RBSN: variants seen among roughly 807,000 people sequenced by gnomAD.
RBSN encodes the protein rabenosyn-5.
Under a neutral mutation model 60.5 loss-of-function variants are expected in RBSN, and 34 were observed. That is an observed-to-expected ratio of 0.56 (90% CI 0.43 to 0.75). The LOEUF (loss-of-function observed/expected upper bound fraction) is 0.75. Among genes scored for constraint, RBSN ranks in the 30% least tolerant of loss-of-function variants. The probability of loss-of-function intolerance (pLI) is 0.00; values close to 1 mark genes in which losing one functional copy is unlikely to be tolerated. For synonymous variants in RBSN, 322 were observed against 366.9 expected (o/e 0.88, Z 1.40); for missense variants, 845 against 986.8 (o/e 0.86, Z 1.92).
Position 15,078,143 on chromosome 3 carries a change from G to C in RBSN, c.930C>G (p.Tyr310Ter). 1 of 1,614,176 alleles carries C rather than the reference G, an allele frequency of 6.2e-7. No individual in the cohort carries two copies. The highest frequency in any genetic ancestry group is 8.5e-7 in the Non-Finnish European group (1 of 1,180,022). Residue 310 changes from tyrosine to a stop codon, truncating the protein, a stop_gained, in exon 11 of 14, where the codon TAC becomes TAG. Coordinates refer to ENST00000253699, the MANE Select transcript of RBSN (RefSeq NM_022340.4). LOFTEE classifies it high-confidence loss of function. ...GAAGGTCACTGGCATGTTCCAGACT[G>C]TAGGTTGTCTCCCCAGCACTAAGGA... ...AASLNAGETT[Y>*]SLEHASDLRV...
At chr3:15,098,522 G>A (rs566463712) in intron 1 of RBSN, among the ~76,000 whole-genome samples, 22 of 132,770 alleles carry the variant, frequency 1.7e-4, no homozygotes, top group South Asian at 1.6e-3. Flanking sequence ...CAGCATGAAT[G>A]TCACCCCGCC....
chr3:15,077,286 G>GGCCGGGCGCGGTGGCTCACGCCTGT lies in RBSN; in HGVS notation c.999-123_999-122insACAGGCGTGAGCCACCGCGCCCGGC. 4.9e-6 allele frequency: 4 copies of GGCCGGGCGCGGTGGCTCACGCCTGT among 810,848 alleles called. No homozygotes were observed. The highest frequency in any genetic ancestry group is 8.2e-6 in the Non-Finnish European group (4 of 488,252). The allele number at this position is 810,848 out of a possible 1,614,324, so 50.2% of individuals were successfully genotyped here. On this transcript the variant is annotated intron_variant, in intron 11 of 13. Coordinates refer to ENST00000253699, the MANE Select transcript of RBSN (RefSeq NM_022340.4). The surrounding 1 kb of genome is among the most constrained non-coding windows in gnomAD (Gnocchi z 4.4). ...GGAAGGTGTGTAAAGATGGACAAGTGACTCCATTGAAGTTTCTTTGAAGGC... is the reference window on the plus strand; with the variant it reads ...GGAAGGTGTGTAAAGATGGACAAGTGGCCGGGCGCGGTGGCTCACGCCTGTACTCCATTGAAGTTTCTTTGAAGGC...
chr3:15,071,787 C>A lies in RBSN; in HGVS notation c.*1995G>T, dbSNP rs1434798275. On this transcript the variant is annotated 3_prime_UTR_variant, in exon 14 of 14. Transcript: ENST00000253699. ...ATGTAACAAAATGAATTTCAGCTTT[C>A]ACACCAGTAACCAGTGAAAGTATGG... 1 of 152,644 alleles carries A rather than the reference C, an allele frequency of 6.6e-6. No homozygotes were observed. The highest frequency in any genetic ancestry group is 1.9e-4 in the East Asian group (1 of 5,200). The allele number at this position is 152,644 out of a possible 1,614,324, so 9.5% of individuals were successfully genotyped here.
At chr3:15,098,356 C>T (rs2043724670) in intron 1 of RBSN, 82 bp from the exon 2 acceptor site, 3 of 105,832 alleles carry the variant, frequency 2.8e-5, no homozygotes, top group Admixed American at 1.1e-4. Context: ...TATAACTAAG[C>T]ATACACCATA....
chr3:15,090,355 A>C, intron 5 of RBSN, 44 bp downstream of exon 5: 1 of 1,604,760 alleles, frequency 6.2e-7, no homozygotes, highest in Non-Finnish European at 8.5e-7. Context: ...AACATAGCAG[A>C]TGCTCAATAA....
chr3:15,090,581 C>T (rs754062293), intron 4 of RBSN, 42 bp from the exon 5 acceptor site: 8 of 1,603,676 alleles, frequency 5.0e-6, no homozygotes, highest in Admixed American at 1.7e-5. Context: ...CCATGAAGAA[C>T]ACCCAGTAAA....
In RBSN at chr3:15,082,503, C is replaced by T. The variant is rs778074496; in HGVS notation, c.704G>A (p.Ser235Asn). Residue 235 changes from serine (S) to asparagine (N), a missense_variant, in exon 9 of 14, where the codon AGC becomes AAC. Ser to Asn is a conservative substitution (Grantham distance 46). Coordinates refer to ENST00000253699, the MANE Select transcript of RBSN (RefSeq NM_022340.4). The surrounding 1 kb of genome is among the most constrained non-coding windows in gnomAD (Gnocchi z 4.2). Reference protein sequence around the residue: ...GSRRGSISSMSSVSSVLDEKD... With the variant: ...GSRRGSISSMNSVSSVLDEKD... ...CTCATCCAGGACCGAGCTGACACTG[C>T]TCATGCTGCTGATGCTGCCTCGGCG... is the stretch of plus-strand genomic sequence containing the variant. 5 of 1,614,194 alleles carry T rather than the reference C, an allele frequency of 3.1e-6. No individual in the cohort carries two copies. In the Admixed American group the frequency reaches 8.3e-5, roughly 27 times the overall value.
chr3:15,095,732 G>C (rs1249349483), intron 4 of RBSN: 2 of 568,320 alleles, frequency 3.5e-6, no homozygotes, highest in Non-Finnish European at 6.1e-6. Flanking sequence ...CTTCAGACAA[G>C]TTATCTAATC....
chr3:15,091,255 T>C, intron 4 of RBSN: 2 of 457,070 alleles, frequency 4.4e-6, no homozygotes, highest in Non-Finnish European at 5.6e-6. Flanking sequence ...TATACCTCAG[T>C]TAAAATAATG....
Position 15,074,935 on chromosome 3 carries a change from G to T in RBSN, c.1207-5C>A, listed in dbSNP as rs765783293. The stretch of plus-strand genomic sequence containing the variant: ...TCGCTGGGACTCCAGGGCAGCCTGG[G>T]GAGAGAGCAAAGCAGAGAGAAGAAA... On this transcript the variant is annotated splice_polypyrimidine_tract_variant and splice_region_variant and intron_variant, in intron 13 of 13. Coordinates refer to ENST00000253699, the MANE Select transcript of RBSN (RefSeq NM_022340.4). The surrounding 1 kb of genome is among the most constrained non-coding windows in gnomAD (Gnocchi z 6.4). The T allele has an allele frequency of 3.2e-5, 52 of 1,602,914 alleles. No homozygotes were observed. In the Admixed American group the frequency reaches 8.7e-4, roughly 27 times the overall value.
intron 2 of RBSN, among the ~76,000 whole-genome samples, chr3:15,097,839 A>T (rs564292269): frequency 6.6e-6 from 1 of 152,246 alleles, no homozygotes; most frequent in African/African-American, 2.4e-5. Flanking sequence ...CAACTCAGAA[A>T]ATAAACAAAT....
chr3:15,091,931 T>C (rs184019103), intron 4 of RBSN, among the ~76,000 whole-genome samples: 194 of 152,368 alleles, frequency 1.3e-3, no homozygotes, highest in African/African-American at 4.4e-3. Context: ...TGTTCTTTAA[T>C]CTTGGATGAC....
At chr3:15,089,937 A>T (rs1184705934) in intron 5 of RBSN, among the ~76,000 whole-genome samples, 1 of 152,188 alleles carries the variant, frequency 6.6e-6, no homozygotes, top group Non-Finnish European at 1.5e-5. Flanking sequence ...AATAAATGTT[A>T]GAGAATTTTT....
chr3:15,086,140 A>G (rs2043335346), intron 5 of RBSN, 179 bp from the exon 6 acceptor site: 1 of 554,320 alleles, frequency 1.8e-6, no homozygotes, highest in African/African-American at 1.9e-5. Flanking sequence ...ATGTACGCCT[A>G]TAATCCCAGC....
intron 4 of RBSN, among the ~76,000 whole-genome samples, chr3:15,092,001 A>G (rs2043529177): frequency 1.3e-5 from 2 of 152,152 alleles, no homozygotes; most frequent in Admixed American, 1.3e-4. Flanking sequence ...ATAAAATGGT[A>G]TCATTACTTT....
chr3:15,091,553 AT>A, intron 4 of RBSN: 2 of 1,240,012 alleles, frequency 1.6e-6, no homozygotes, highest in Non-Finnish European at 2.1e-6. Flanking sequence ...CATTTCCTGT[AT>A]TTAGCCATCG....
chr3:15,082,714 A>C lies in RBSN; in HGVS notation c.599-106T>G. The C allele has an allele frequency of 6.8e-7, 1 of 1,474,426 alleles. No individual in the cohort carries two copies. The highest frequency in any genetic ancestry group is 9.1e-7 in the Non-Finnish European group (1 of 1,096,092). The allele number at this position is 1,474,426 out of a possible 1,614,324, so 91.3% of individuals were successfully genotyped here. A position where few individuals can be genotyped will look rare whatever the true frequency, so the allele number is the denominator to read the frequency against. ...CAGGTGTTTGATTTGGAGAGTAATA[A>C]GATCAGGCTCCAGCTGTGGGCACGT... is the stretch of plus-strand genomic sequence containing the variant. On this transcript the variant is annotated intron_variant, in intron 8 of 13. Transcript: ENST00000253699. This position sits in a 1 kb window ranked among gnomAD's most constrained non-coding sequence, Gnocchi z 4.2.
chr3:15,085,887 T>C lies in RBSN; in HGVS notation c.364A>G (p.Asn122Asp), dbSNP rs780942997. The C allele has an allele frequency of 1.9e-6, 3 of 1,614,146 alleles. No homozygotes were observed. In the South Asian group the frequency reaches 3.3e-5, roughly 18 times the overall value. ...ARIDHYVVEV[N>D]KLIIRLEKLT... is the part of the protein sequence containing the mutation. ...TTCTCTAACCTGATTATTAGTTTAT[T>C]GACTTCCACAACATAGTGGTCAATT... Residue 122 changes from asparagine (N) to aspartate (D), a missense_variant, in exon 6 of 14, where the codon AAT becomes GAT. Physicochemically the swap from Asn to Asp is conservative, Grantham distance 23. Coordinates refer to ENST00000253699, the MANE Select transcript of RBSN (RefSeq NM_022340.4).
Position 15,073,607 on chromosome 3 carries a change from A to G in RBSN, c.*175T>C. 1 of 572,080 alleles carries G rather than the reference A, an allele frequency of 1.7e-6. No homozygotes were observed. The highest frequency in any genetic ancestry group is 3.0e-6 in the Non-Finnish European group (1 of 333,628). 35.4% of individuals were successfully genotyped at this position (572,080 alleles called of 1,614,324 possible). A position where few individuals can be genotyped will look rare whatever the true frequency, so the allele number is the denominator to read the frequency against. On this transcript the variant is annotated 3_prime_UTR_variant, in exon 14 of 14. Transcript: ENST00000253699. ...GTTCTAGTTTCTATTTTATTATTCA[A>G]CTGTAGTGGAAATACCTCAAAGTGC...
Sources: gnomAD v4.1 joint callset for allele counts (sites outside exome capture counted in the v4.1 genomes callset) on GRCh38, gnomAD v4.1.1 for gene constraint, Gnocchi (gnomAD v3.1) non-coding constraint, MANE v1.5 for transcripts, NCBI Gene and HGNC (gene_info 2026-07-23, HGNC 2026-07-21) for gene names.